Variants in CACNB2 observed in about 807,000 individuals in gnomAD.
CACNB2 encodes voltage-dependent L-type calcium channel subunit beta-2.
CACNB2 carries 42 observed loss-of-function variants against 73.3 expected under a neutral mutation model. The observed-to-expected ratio is 0.57, with a 90% CI of 0.45 to 0.74. The LOEUF is 0.74. CACNB2 is among the 30% of genes least tolerant of loss of function. CACNB2 has a pLI of 0.00. For synonymous variants in CACNB2, 348 were observed against 310.3 expected, an observed-to-expected ratio of 1.12 and a Z score of -1.28; for missense variants, 940 against 853.0, an observed-to-expected ratio of 1.10 and a Z score of -1.27.
At position 18,198,737 on chromosome 10, in the gene CACNB2, T is replaced by C. The variant is rs117728801; in HGVS notation, c.213+47762T>C. Among the ~76,000 whole-genome samples, 502 of 152,296 alleles carry C rather than the reference T, an allele frequency of 3.3e-3. 8 individuals are homozygous for C. The East Asian group carries it at 0.059, about 18-fold the overall frequency. ...TATGCCCACACTTTTACTTCCACGC[T>C]TTCATTTCCTCCACCCAGCATGACT... On this transcript the variant is annotated intron_variant, in intron 2 of 13. Coordinates refer to ENST00000324631, the MANE Select transcript of CACNB2 (RefSeq NM_201596.3).
intron 2 of CACNB2, among the ~76,000 whole-genome samples, chr10:18,272,752 GTTGA>G (rs2038110402): frequency 1.3e-5 from 2 of 152,160 alleles, no homozygotes; most frequent in African/African-American, 4.8e-5. Flanking sequence ...GCCTTCGGCC[GTTGA>G]TTGTGAGGCC....
chr10:18,539,456 A>T lies in CACNB2; in HGVS notation c.1715A>T (p.Glu572Val). The change falls in exon 14 of 14, where the codon GAA becomes GTA. Residue 572 changes from glutamate to valine, a missense_variant. Physicochemically the swap from Glu to Val is moderately radical, Grantham distance 121. Transcript: ENST00000324631. Reference sequence around the variant, plus strand: ...GACTCTGCCTACGTAGAGCCAAAGGAAGATTATTCCCATGACCACGTGGAC... The same window carrying T: ...GACTCTGCCTACGTAGAGCCAAAGGTAGATTATTCCCATGACCACGTGGAC... ...SRDSAYVEPK[E>V]DYSHDHVDHY... 6.2e-7 allele frequency: 1 copy of T among 1,613,964 alleles called. No individual in the cohort carries two copies. Among genetic ancestry groups the T allele is most frequent in the Admixed American group, 1.7e-5 (1 of 59,986 alleles).
At chr10:18,409,316 AAAGT>A (rs1476947055) in intron 3 of CACNB2, among the ~76,000 whole-genome samples, 1 of 150,236 alleles carries the variant, frequency 6.7e-6, no homozygotes, top group Non-Finnish European at 1.5e-5. Flanking sequence ...AAAAAAAAAA[AAAGT>A]AGAGACAAAG....
chr10:18,454,868 C>G (rs181867576), intron 3 of CACNB2, among the ~76,000 whole-genome samples: 2 of 152,102 alleles, frequency 1.3e-5, no homozygotes, highest in East Asian at 3.9e-4. Flanking sequence ...GAAAGACTGC[C>G]CCCCGCTACA....
At position 18,539,428 on chromosome 10, in the gene CACNB2, C is replaced by T. The variant is rs760811952; in HGVS notation, c.1687C>T (p.Arg563Ter). The change falls in exon 14 of 14, where the codon CGA (arginine) becomes TGA (stop). Residue 563 changes from arginine (R) to a stop codon, truncating the protein, a stop_gained. Transcript: ENST00000324631. LOFTEE classifies it high-confidence loss of function. ...ETFDSETQES[R>*]DSAYVEPKED... ...ATTTGACTCGGAAACCCAGGAGAGT[C>T]GAGACTCTGCCTACGTAGAGCCAAA... 2.5e-6 allele frequency: 4 copies of T among 1,613,946 alleles called. No individual in the cohort carries two copies. Among genetic ancestry groups the T allele is most frequent in the Admixed American group, 1.7e-5 (1 of 60,008 alleles).
At chr10:18,482,735 C>G (rs1036981513) in intron 3 of CACNB2, among the ~76,000 whole-genome samples, 4 of 152,152 alleles carry the variant, frequency 2.6e-5, no homozygotes, top group African/African-American at 9.7e-5. Flanking sequence ...TGGTCTCGAA[C>G]TCCTTACCTC....
At chr10:18,489,887 C>T (rs1006935514) in intron 3 of CACNB2, among the ~76,000 whole-genome samples, 5 of 151,996 alleles carry the variant, frequency 3.3e-5, no homozygotes, top group Non-Finnish European at 7.4e-5. Flanking sequence ...GTTTTAGTTT[C>T]GGTTTTTTGA....
chr10:18,466,189 T>C (rs1284016193), intron 3 of CACNB2, among the ~76,000 whole-genome samples: 1 of 152,238 alleles, frequency 6.6e-6, no homozygotes, highest in African/African-American at 2.4e-5. Flanking sequence ...AGTAGAGTTA[T>C]AACTTCCAGA....
chr10:18,284,841 G>A (rs1173268557), intron 2 of CACNB2, among the ~76,000 whole-genome samples: 1 of 152,180 alleles, frequency 6.6e-6, no homozygotes, highest in Non-Finnish European at 1.5e-5. Context: ...TACAAAAAAA[G>A]ACGATTCTGG....
intron 2 of CACNB2, among the ~76,000 whole-genome samples, chr10:18,305,935 T>C (rs2039710011): frequency 6.6e-6 from 1 of 152,100 alleles, no homozygotes; most frequent in African/African-American, 2.4e-5. Flanking sequence ...GCCACTGTAC[T>C]CCAGCCTGGA....
chr10:18,395,115 GGA>G (rs757732654), intron 2 of CACNB2, among the ~76,000 whole-genome samples: 4 of 151,212 alleles, frequency 2.6e-5, no homozygotes, highest in Non-Finnish European at 5.9e-5. Context: ...AAAAGAGAAG[GGA>G]GAGAGAGAGA....
intron 2 of CACNB2, among the ~76,000 whole-genome samples, chr10:18,327,866 T>G (rs1195765603): frequency 6.6e-6 from 1 of 151,970 alleles, no homozygotes; most frequent in Non-Finnish European, 1.5e-5. Flanking sequence ...GACTGAGGGT[T>G]GGGGGGTGTC....
chr10:18,231,689 T>C (rs1156545892), intron 2 of CACNB2, among the ~76,000 whole-genome samples: 1 of 152,200 alleles, frequency 6.6e-6, no homozygotes, highest in African/African-American at 2.4e-5. Flanking sequence ...AGAAACTTGC[T>C]GTCCTGGATC....
intron 5 of CACNB2, among the ~76,000 whole-genome samples, chr10:18,503,290 A>G (rs569674528): frequency 2.0e-5 from 3 of 152,252 alleles, no homozygotes; most frequent in Non-Finnish European, 1.5e-5. Flanking sequence ...AAATGGTATC[A>G]TAATACTAGC....
chr10:18,520,652 C>T (rs2051774082), intron 9 of CACNB2, among the ~76,000 whole-genome samples: 1 of 152,164 alleles, frequency 6.6e-6, no homozygotes, highest in African/African-American at 2.4e-5. Flanking sequence ...ATGGTCTATT[C>T]TTCCACACGT....
chr10:18,371,376 G>A (rs1316002367), intron 2 of CACNB2, among the ~76,000 whole-genome samples: 1 of 151,842 alleles, frequency 6.6e-6, no homozygotes, highest in Non-Finnish European at 1.5e-5. Context: ...CCCCACAACG[G>A]GCCCCGGTGT....
intron 2 of CACNB2, among the ~76,000 whole-genome samples, chr10:18,257,723 A>T (rs2037343382): frequency 6.6e-6 from 1 of 151,988 alleles, no homozygotes; most frequent in East Asian, 1.9e-4. Flanking sequence ...TGGCGTTCCC[A>T]TTGCTCTGAA....
At chr10:18,262,817 A>G (rs2037616339) in intron 2 of CACNB2, among the ~76,000 whole-genome samples, 1 of 152,196 alleles carries the variant, frequency 6.6e-6, no homozygotes, top group Non-Finnish European at 1.5e-5. Context: ...AAGGCCTCCA[A>G]CAAAGCAACA....
intron 2 of CACNB2, among the ~76,000 whole-genome samples, chr10:18,299,809 A>G (rs1380158570): frequency 6.6e-6 from 1 of 152,236 alleles, no homozygotes; most frequent in Non-Finnish European, 1.5e-5. Context: ...AAGAATGCAA[A>G]GAATATGTAT....
Sources: gnomAD v4.1 joint callset for allele counts (sites outside exome capture counted in the v4.1 genomes callset) on GRCh38, gnomAD v4.1.1 for gene constraint, MANE v1.5 for transcripts, NCBI Gene and HGNC (gene_info 2026-07-23, HGNC 2026-07-21) for gene names.